NAALADL2: variants seen among roughly 807,000 people sequenced by gnomAD.
NAALADL2 encodes the protein N-acetylated alpha-linked acidic dipeptidase like 2, also known as inactive N-acetylated-alpha-linked acidic dipeptidase-like protein 2.
NAALADL2 carries 76 observed loss-of-function variants against 87.2 expected under a neutral mutation model. That is an observed-to-expected ratio of 0.87 (90% confidence interval 0.72 to 1.05). The LOEUF is 1.05. Ranked by LOEUF, NAALADL2 falls within the 50% of genes least tolerant of loss-of-function variation. NAALADL2 has a pLI of 0.00. For missense variants in NAALADL2, 1,089 were observed against 945.8 expected (o/e 1.15, Z -1.99); for synonymous variants, 354 against 331.0 (o/e 1.07, Z -0.75).
intron 1 of NAALADL2, among the ~76,000 whole-genome samples, chr3:175,022,117 A>G (rs1026948435): frequency 5.3e-5 from 8 of 152,022 alleles, no homozygotes; most frequent in African/African-American, 1.9e-4. Flanking sequence ...AACTTGCACT[A>G]TAACTGAAAG....
At chr3:174,655,614 T>G (rs1212849057) in intron 2 of NAALADL2, among the ~76,000 whole-genome samples, 2 of 150,774 alleles carry the variant, frequency 1.3e-5, no homozygotes, top group Non-Finnish European at 2.9e-5. Flanking sequence ...TTAATATCCC[T>G]TTGAATATTT....
intron 10 of NAALADL2, among the ~76,000 whole-genome samples, chr3:175,608,908 A>G (rs932894484): frequency 6.6e-6 from 1 of 152,260 alleles, no homozygotes; most frequent in Middle Eastern, 3.4e-3. Context: ...TTTACCAAAC[A>G]AAATAAATGC....
At chr3:174,889,654 G>T (rs1461398991) in intron 1 of NAALADL2, among the ~76,000 whole-genome samples, 1 of 151,852 alleles carries the variant, frequency 6.6e-6, no homozygotes, top group Admixed American at 6.6e-5. Flanking sequence ...AAAAAAAATG[G>T]CACTAATAAT....
intron 3 of NAALADL2, among the ~76,000 whole-genome samples, chr3:174,854,018 C>G (rs1381864840): frequency 6.6e-6 from 1 of 152,132 alleles, no homozygotes; most frequent in Non-Finnish European, 1.5e-5. Flanking sequence ...GTCCAGCTAT[C>G]TCACTGCTGG....
intron 2 of NAALADL2, among the ~76,000 whole-genome samples, chr3:174,584,934 C>G (rs1048260071): frequency 1.3e-5 from 2 of 152,142 alleles, no homozygotes; most frequent in African/African-American, 4.8e-5. Context: ...TCGTTTTACC[C>G]TCATGCTCTT....
intron 9 of NAALADL2, among the ~76,000 whole-genome samples, chr3:175,508,759 G>A (rs1730709051): frequency 6.6e-6 from 1 of 151,902 alleles, no homozygotes; most frequent in South Asian, 2.1e-4. Flanking sequence ...TATTTTAATT[G>A]GTGCTTTTGG....
Position 174,961,508 on chromosome 3 carries a change from C to T in NAALADL2, c.43+102058C>T, listed in dbSNP as rs541388673. On this transcript the variant is annotated intron_variant, in intron 1 of 13. Coordinates refer to ENST00000454872, the MANE Select transcript of NAALADL2 (RefSeq NM_207015.3). Reference sequence around the variant, plus strand: ...TTCTTTAAATTAATTTATAAAACACCGGGCAGGGGAAGGAAAAAATGATTG... The same window carrying T: ...TTCTTTAAATTAATTTATAAAACACTGGGCAGGGGAAGGAAAAAATGATTG... Among the ~76,000 whole-genome samples the T allele has an allele frequency of 1.6e-4, 25 of 151,818 alleles. 1 individual carries two copies. In the East Asian group the frequency reaches 3.1e-3, roughly 19 times the overall value.
At chr3:174,612,231 C>A (rs556618233) in intron 2 of NAALADL2, among the ~76,000 whole-genome samples, 2 of 152,116 alleles carry the variant, frequency 1.3e-5, no homozygotes, top group South Asian at 4.2e-4. Flanking sequence ...TTATCCTTGA[C>A]CTTTGGGAAT....
intron 1 of NAALADL2, among the ~76,000 whole-genome samples, chr3:174,483,570 G>A (rs1717689145): frequency 6.6e-6 from 1 of 152,030 alleles, no homozygotes; most frequent in Admixed American, 6.6e-5. Flanking sequence ...ATATCATTGT[G>A]CAAAGTAAGT....
At chr3:174,905,898 T>C (rs1013672050) in intron 1 of NAALADL2, among the ~76,000 whole-genome samples, 3 of 152,108 alleles carry the variant, frequency 2.0e-5, no homozygotes, top group Non-Finnish European at 4.4e-5. Context: ...TTTGATTTAG[T>C]ACAACTGAGT....
intron 12 of NAALADL2, among the ~76,000 whole-genome samples, chr3:175,743,406 G>T (rs1015597205): frequency 2.0e-5 from 3 of 152,200 alleles, no homozygotes; most frequent in Non-Finnish European, 4.4e-5. Context: ...CATATTTTGG[G>T]ATAGGGTGTC....
At chr3:175,662,033 C>G (rs1170739353) in intron 11 of NAALADL2, among the ~76,000 whole-genome samples, 1 of 151,620 alleles carries the variant, frequency 6.6e-6, no homozygotes, top group Non-Finnish European at 1.5e-5. Context: ...CTGTGAAAAT[C>G]ATTTTTGGTA....
At chr3:175,317,570 C>G (rs1272408690) in intron 4 of NAALADL2, among the ~76,000 whole-genome samples, 1 of 152,050 alleles carries the variant, frequency 6.6e-6, no homozygotes, top group Non-Finnish European at 1.5e-5. Flanking sequence ...TCCTACTTCT[C>G]TCCATATCCC....
intron 1 of NAALADL2, among the ~76,000 whole-genome samples, chr3:175,057,447 T>A (rs1712451278): frequency 6.6e-6 from 1 of 152,202 alleles, no homozygotes; most frequent in South Asian, 2.1e-4. Context: ...ATCTTCATCA[T>A]GGACCTAGCA....
intron 1 of NAALADL2, among the ~76,000 whole-genome samples, chr3:175,031,378 CCTGTTTCTGCATTAAT>C (rs1752779633): frequency 6.6e-6 from 1 of 151,854 alleles, no homozygotes; most frequent in Admixed American, 6.6e-5. Context: ...GCATGTGGTA[CCTGTTTCTGCATTAAT>C]TCACTTAGGA....
At chr3:175,175,662 T>C (rs899610829) in intron 2 of NAALADL2, among the ~76,000 whole-genome samples, 20 of 152,112 alleles carry the variant, frequency 1.3e-4, no homozygotes, top group African/African-American at 4.8e-4. Context: ...CGTAGCATAA[T>C]TGAGATGGCA....
chr3:174,959,190 C>T (rs915859462), intron 1 of NAALADL2, among the ~76,000 whole-genome samples: 101 of 152,000 alleles, frequency 6.6e-4, no homozygotes, highest in African/African-American at 2.4e-3. Flanking sequence ...TTTTCAACTG[C>T]TTTTGCGGTA....
intron 1 of NAALADL2, among the ~76,000 whole-genome samples, chr3:174,882,687 A>T (rs932861546): frequency 6.8e-6 from 1 of 147,498 alleles, no homozygotes; most frequent in African/African-American, 2.5e-5. Context: ...GTATATGTGT[A>T]TCCGTGTATA....
chr3:175,352,184 T>A (rs56350042), intron 5 of NAALADL2, among the ~76,000 whole-genome samples: 90,814 of 150,560 alleles, frequency 0.6, 27,661 homozygotes, highest in African/African-American at 0.69. Context: ...TTTTTTTTTT[T>A]AATGGGGGCT....
Sources: gnomAD v4.1 joint callset for allele counts (sites outside exome capture counted in the v4.1 genomes callset) on GRCh38, gnomAD v4.1.1 for gene constraint, MANE v1.5 for transcripts, NCBI Gene and HGNC (gene_info 2026-07-23, HGNC 2026-07-21) for gene names.